Variants in MDGA2 observed in about 807,000 individuals in gnomAD.
MDGA2 encodes MAM domain containing glycosylphosphatidylinositol anchor 2, also known as MAM domain-containing glycosylphosphatidylinositol anchor protein 2.
Under a neutral mutation model 117.8 loss-of-function variants are expected in MDGA2, and 40 were observed. That is an observed-to-expected ratio of 0.34 (90% confidence interval 0.26 to 0.44). The LOEUF (loss-of-function observed/expected upper bound fraction) is 0.44, where lower values mean the gene tolerates loss of function less well. Ranked by LOEUF, MDGA2 falls within the 20% of genes least tolerant of loss-of-function variation. The pLI, the probability that MDGA2 is intolerant of heterozygous loss-of-function variation, is 1.00. For synonymous variants in MDGA2, 452 were observed against 439.0 expected, an observed-to-expected ratio of 1.03 and a Z score of -0.37; for missense variants, 1,123 against 1,250.6, an observed-to-expected ratio of 0.90 and a Z score of 1.54.
At chr14:47,563,654 A>C (rs1895864532) in intron 1 of MDGA2, among the ~76,000 whole-genome samples, 1 of 118,338 alleles carries the variant, frequency 8.5e-6, no homozygotes, top group African/African-American at 3.4e-5. Flanking sequence ...TGAGCCTATG[A>C]TGTCACCACA....
intron 1 of MDGA2, among the ~76,000 whole-genome samples, chr14:47,431,042 A>T (rs1892787760): frequency 6.6e-6 from 1 of 151,998 alleles, no homozygotes; most frequent in African/African-American, 2.4e-5. Flanking sequence ...TTGATTGGGG[A>T]TTGTCTGCAG....
intron 1 of MDGA2, among the ~76,000 whole-genome samples, chr14:47,456,294 C>T (rs1279578003): frequency 2.1e-5 from 3 of 140,646 alleles, no homozygotes; most frequent in African/African-American, 5.2e-5. Context: ...AATTGTTTAC[C>T]TTTTTTTTTT....
intron 15 of MDGA2, among the ~76,000 whole-genome samples, chr14:46,851,880 T>C (rs1424691291): frequency 2.0e-5 from 3 of 150,434 alleles, no homozygotes; most frequent in Non-Finnish European, 3.0e-5. Flanking sequence ...TTTGAGAAGT[T>C]TGACAAGTTA....
At chr14:47,201,055 C>T in intron 3 of MDGA2, 1 of 1,138,764 alleles carries the variant, frequency 8.8e-7, no homozygotes, top group Non-Finnish European at 1.3e-6. Context: ...CGCCAGGCGG[C>T]CCAGGAGATG....
At chr14:47,148,061 A>G (rs374285464) in intron 3 of MDGA2, among the ~76,000 whole-genome samples, 1 of 152,054 alleles carries the variant, frequency 6.6e-6, no homozygotes, top group Admixed American at 6.5e-5. Context: ...CTGCCTCACT[A>G]TGTAACAACA....
chr14:47,037,877 C>G (rs1888913059), intron 7 of MDGA2, among the ~76,000 whole-genome samples: 1 of 152,140 alleles, frequency 6.6e-6, no homozygotes, highest in African/African-American at 2.4e-5. Flanking sequence ...GTTCCAAAAA[C>G]AAGCTACCTG....
intron 1 of MDGA2, among the ~76,000 whole-genome samples, chr14:47,339,504 A>G (rs1890557330): frequency 6.6e-6 from 1 of 151,958 alleles, no homozygotes; most frequent in South Asian, 2.1e-4. Context: ...TGAATGGCTT[A>G]GTGTCTTCCT....
intron 5 of MDGA2, among the ~76,000 whole-genome samples, chr14:47,131,279 A>T (rs1033105470): frequency 1.2e-4 from 18 of 151,998 alleles, no homozygotes; most frequent in South Asian, 4.1e-4. Context: ...TATTGTTCTA[A>T]AAACATCTAT....
rs182438404 is a variant in MDGA2 at position 47,079,301 on chromosome 14, A to G, written c.1195+17553T>C. On this transcript the variant is annotated intron_variant, in intron 6 of 16. Coordinates refer to ENST00000399232, the MANE Select transcript of MDGA2 (RefSeq NM_001113498.3). The stretch of plus-strand genomic sequence containing the variant: ...ACTGCTCAAAACAATGGAGCCATAC[A>G]TTTAATTTTGTCCTTGATTCTAACA... Among the ~76,000 whole-genome samples, 7 of 152,336 alleles carry G rather than the reference A, an allele frequency of 4.6e-5. No homozygotes were observed. The East Asian group carries it at 1.3e-3, about 29-fold the overall frequency.
intron 8 of MDGA2, among the ~76,000 whole-genome samples, chr14:47,032,500 T>A (rs574626521): frequency 1.3e-5 from 2 of 152,016 alleles, no homozygotes; most frequent in Non-Finnish European, 2.9e-5. Context: ...GGTGGAAGCA[T>A]TGGTTGAGCC....
chr14:47,253,778 T>A (rs1887525580), intron 2 of MDGA2, among the ~76,000 whole-genome samples: 1 of 152,226 alleles, frequency 6.6e-6, no homozygotes, highest in African/African-American at 2.4e-5. Flanking sequence ...CAACTCCACA[T>A]TTCCCTTCCA....
intron 1 of MDGA2, among the ~76,000 whole-genome samples, chr14:47,507,189 G>T (rs1191400326): frequency 6.6e-6 from 1 of 152,116 alleles, no homozygotes; most frequent in Non-Finnish European, 1.5e-5. Flanking sequence ...TGCAGAGAAT[G>T]TAGAATCATG....
intron 8 of MDGA2, among the ~76,000 whole-genome samples, chr14:47,025,553 G>A (rs1479376011): frequency 6.6e-6 from 1 of 152,028 alleles, no homozygotes; most frequent in African/African-American, 2.4e-5. Flanking sequence ...TTAACCTGGG[G>A]TGATTTTGCC....
At chr14:47,550,371 T>C (rs1212598776) in intron 1 of MDGA2, among the ~76,000 whole-genome samples, 2 of 152,220 alleles carry the variant, frequency 1.3e-5, no homozygotes, top group Admixed American at 1.3e-4. Context: ...TAGGATACAG[T>C]ACAATATGTT....
chr14:47,374,879 T>C (rs1299256822), intron 1 of MDGA2, among the ~76,000 whole-genome samples: 3 of 152,060 alleles, frequency 2.0e-5, no homozygotes, highest in East Asian at 3.9e-4. Context: ...TCATTACTTA[T>C]CCAAGTGTGA....
chr14:47,538,496 T>A (rs920830492), intron 1 of MDGA2, among the ~76,000 whole-genome samples: 1 of 152,232 alleles, frequency 6.6e-6, no homozygotes, highest in Non-Finnish European at 1.5e-5. Context: ...AGAAATTATC[T>A]TTTGTGTTGA....
At chr14:46,975,961 TC>T (rs748901297) in intron 8 of MDGA2, among the ~76,000 whole-genome samples, 7 of 152,078 alleles carry the variant, frequency 4.6e-5, no homozygotes, top group Admixed American at 6.6e-5. Flanking sequence ...CCTAACCACC[TC>T]CCAAAAGGAT....
intron 1 of MDGA2, among the ~76,000 whole-genome samples, chr14:47,459,819 G>C (rs1284273278): frequency 6.6e-6 from 1 of 152,072 alleles, no homozygotes; most frequent in Non-Finnish European, 1.5e-5. Flanking sequence ...TATGGTAGCT[G>C]CTTCTCCCAA....
intron 1 of MDGA2, among the ~76,000 whole-genome samples, chr14:47,665,479 C>T (rs955201864): frequency 5.9e-5 from 9 of 152,292 alleles, no homozygotes; most frequent in African/African-American, 1.9e-4. Flanking sequence ...AGCCCTTCTC[C>T]GGGCTGGCTG....
Sources: allele counts gnomAD v4.1 joint callset (sites outside exome capture counted in the v4.1 genomes callset), GRCh38; gene constraint gnomAD v4.1.1; transcripts MANE v1.5; gene names NCBI Gene and HGNC (gene_info 2026-07-23, HGNC 2026-07-21).